Variants in RNF13 observed in about 807,000 individuals in gnomAD.
RNF13 encodes ring finger protein 13.
RNF13 carries 19 observed loss-of-function variants against 37.7 expected under a neutral mutation model. That is an observed-to-expected ratio of 0.50 (90% CI 0.35 to 0.74). The LOEUF (loss-of-function observed/expected upper bound fraction) is 0.74. Ranked by LOEUF, RNF13 falls within the 30% of genes least tolerant of loss-of-function variation. RNF13 has a pLI of 0.01. For synonymous variants in RNF13, 144 were observed against 157.8 expected (o/e 0.91, Z 0.65); for missense variants, 375 against 453.0 (o/e 0.83, Z 1.56).
intron 8 of RNF13, among the ~76,000 whole-genome samples, chr3:149,934,031 A>G: frequency 6.6e-6 from 1 of 151,936 alleles, no homozygotes; most frequent in East Asian, 1.9e-4. Flanking sequence ...TTGATGGGAG[A>G]CTTTTAATTA....
chr3:149,871,232 G>A (rs1712022492), intron 3 of RNF13, among the ~76,000 whole-genome samples: 1 of 151,166 alleles, frequency 6.6e-6, no homozygotes, highest in Non-Finnish European at 1.5e-5. Context: ...AGTAGAGATG[G>A]GGTTTTGCCA....
At position 149,867,341 on chromosome 3, in the gene RNF13, C is replaced by T. The variant is rs569322961; in HGVS notation, c.196-4688C>T. On this transcript the variant is annotated intron_variant, in intron 3 of 9. Transcript: ENST00000392894. ...AGTGCAGTGGCCCTATCTCGGCTCA[C>T]TGCAAGCTCCGCCTCCCGGGTTCAC... Among the ~76,000 whole-genome samples, 18 of 152,034 alleles carry T rather than the reference C, an allele frequency of 1.2e-4. No homozygotes were observed. In the South Asian group the frequency reaches 3.7e-3, roughly 32 times the overall value.
chr3:149,884,649 A>G (rs1713807513), intron 4 of RNF13, among the ~76,000 whole-genome samples: 1 of 151,960 alleles, frequency 6.6e-6, no homozygotes, highest in Non-Finnish European at 1.5e-5. Context: ...GTATGTATTT[A>G]TAGGATACAT....
chr3:149,832,076 C>T (rs1721112832), intron 1 of RNF13, among the ~76,000 whole-genome samples: 1 of 151,854 alleles, frequency 6.6e-6, no homozygotes, highest in African/African-American at 2.4e-5. Context: ...AGTATATATT[C>T]TTCTGATGCT....
chr3:149,893,962 C>T (rs1400475998), intron 4 of RNF13: 2 of 152,130 alleles, frequency 1.3e-5, no homozygotes, highest in South Asian at 2.1e-4. Context: ...AAATCACTTT[C>T]TGCCTGATTT....
Position 149,902,124 on chromosome 3 carries a change from A to G in RNF13, c.462A>G (p.Ser154=). 1 of 1,528,800 alleles carries G rather than the reference A, an allele frequency of 6.5e-7. No homozygotes were observed. Among genetic ancestry groups the G allele is most frequent in the Non-Finnish European group, 8.8e-7 (1 of 1,134,626 alleles). The allele number at this position is 1,528,800 out of a possible 1,614,324, so 94.7% of individuals were successfully genotyped here. ...CATCTGTCTTTATTGGTGAATCATCAGCTAATTCTCTGAAAGATGAATTCA... is the reference window on the plus strand; with the variant it reads ...CATCTGTCTTTATTGGTGAATCATCGGCTAATTCTCTGAAAGATGAATTCA... The part of the protein sequence containing the change: ...DIPSVFIGES[S]ANSLKDEFTY... The change falls in exon 6 of 10, where the codon TCA becomes TCG. Residue 154 remains serine (S), a synonymous_variant. Coordinates refer to ENST00000392894, the MANE Select transcript of RNF13 (RefSeq NM_183381.3).
chr3:149,931,148 C>T (rs141371012), intron 8 of RNF13, among the ~76,000 whole-genome samples: 4,203 of 152,134 alleles, frequency 0.028, 85 homozygotes, highest in Non-Finnish European at 0.036. Flanking sequence ...ACTGCAGCCT[C>T]GACTTCCCAG....
chr3:149,932,050 T>G (rs906405518), intron 8 of RNF13, among the ~76,000 whole-genome samples: 1 of 152,192 alleles, frequency 6.6e-6, no homozygotes, highest in Non-Finnish European at 1.5e-5. Flanking sequence ...TTCCATTGTG[T>G]ATATATGCCA....
intron 8 of RNF13, among the ~76,000 whole-genome samples, chr3:149,948,044 G>A (rs1278186480): frequency 2.0e-5 from 3 of 152,056 alleles, no homozygotes; most frequent in Non-Finnish European, 4.4e-5. Context: ...CCACCTCCTG[G>A]GTTCAAGCAA....
intron 1 of RNF13, among the ~76,000 whole-genome samples, chr3:149,833,155 T>G (rs965919805): frequency 5.1e-5 from 7 of 136,754 alleles, no homozygotes; most frequent in African/African-American, 1.9e-4. Flanking sequence ...AGCCTCACTC[T>G]GTTGCCTAGG....
At chr3:149,855,964 A>G (rs1458064363) in intron 3 of RNF13, among the ~76,000 whole-genome samples, 2 of 152,166 alleles carry the variant, frequency 1.3e-5, no homozygotes, top group Admixed American at 6.5e-5. Flanking sequence ...ATTCCTTCTC[A>G]CTGAAGAGCT....
chr3:149,816,247 T>A (rs559380074), intron 1 of RNF13, among the ~76,000 whole-genome samples: 9 of 152,106 alleles, frequency 5.9e-5, no homozygotes, highest in Non-Finnish European at 1.2e-4. Context: ...GCATCACAGA[T>A]ACATAACTTC....
At chr3:149,885,731 T>C (rs76738874) in intron 4 of RNF13, among the ~76,000 whole-genome samples, 41 of 152,270 alleles carry the variant, frequency 2.7e-4, no homozygotes, top group African/African-American at 9.9e-4. Flanking sequence ...AAGGCTTTTA[T>C]CTTGATAGGA....
At chr3:149,891,364 A>G (rs1319711335) in intron 4 of RNF13, among the ~76,000 whole-genome samples, 1 of 152,214 alleles carries the variant, frequency 6.6e-6, no homozygotes, top group Non-Finnish European at 1.5e-5. Flanking sequence ...ATGTTTTATT[A>G]GTGTCAGTAT....
chr3:149,844,814 G>GTGT (rs1722493660), intron 1 of RNF13, among the ~76,000 whole-genome samples: 1 of 152,110 alleles, frequency 6.6e-6, no homozygotes, highest in Admixed American at 6.6e-5. Context: ...ACCAATTAAA[G>GTGT]TGTACAATGC....
At chr3:149,820,094 G>C (rs1450340191) in intron 1 of RNF13, among the ~76,000 whole-genome samples, 1 of 152,152 alleles carries the variant, frequency 6.6e-6, no homozygotes, top group Non-Finnish European at 1.5e-5. Flanking sequence ...TTTGCGCTTT[G>C]ATGTAAGAGA....
At chr3:149,944,756 GGTTGCCT>G (rs968409315) in intron 8 of RNF13, among the ~76,000 whole-genome samples, 104 of 152,218 alleles carry the variant, frequency 6.8e-4, no homozygotes, top group African/African-American at 2.4e-3. Context: ...CCATTCTCTA[GGTTGCCT>G]GTTCACTCTG....
At position 149,834,178 on chromosome 3, in the gene RNF13, G is replaced by A. The variant is rs1721353718; in HGVS notation, c.-16-11833G>A. ...TAGACTTAATACTGTTAAGATGTCA[G>A]TACTACCCAAAGAAATCTATGGATT... On this transcript the variant is annotated intron_variant, in intron 1 of 9. Coordinates refer to ENST00000392894, the MANE Select transcript of RNF13 (RefSeq NM_183381.3). 3.9e-5 allele frequency among the ~76,000 whole-genome samples: 6 copies of A among 152,202 alleles called. 1 individual carries two copies. The highest frequency in any genetic ancestry group is 3.9e-4 in the Admixed American group (6 of 15,274).
chr3:149,829,203 G>A (rs1296152370), intron 1 of RNF13, among the ~76,000 whole-genome samples: 2 of 152,104 alleles, frequency 1.3e-5, no homozygotes, highest in African/African-American at 2.4e-5. Flanking sequence ...AGGTTCAAGC[G>A]ATTCTCCTGC....
Sources: allele counts gnomAD v4.1 joint callset (sites outside exome capture counted in the v4.1 genomes callset), GRCh38; gene constraint gnomAD v4.1.1; transcripts MANE v1.5; gene names NCBI Gene and HGNC (gene_info 2026-07-23, HGNC 2026-07-21).